Variants in EPHA6 observed in about 807,000 individuals in gnomAD.
The protein encoded by EPHA6 is EPH receptor A6, also known as ephrin type-A receptor 6.
Under a neutral mutation model 112.0 loss-of-function variants are expected in EPHA6, and 50 were observed. That is an observed-to-expected ratio of 0.45 (90% CI 0.36 to 0.56). The LOEUF is 0.56. EPHA6 is among the 20% of genes least tolerant of loss of function. The probability of loss-of-function intolerance (pLI) is 0.00; values close to 1 mark genes in which losing one functional copy is unlikely to be tolerated. For missense variants in EPHA6, 1,280 were observed against 1,417.4 expected (o/e 0.90, Z 1.56); for synonymous variants, 529 against 490.7 (o/e 1.08, Z -1.03).
chr3:97,749,052 T>G lies in EPHA6; in HGVS notation c.*351T>G, dbSNP rs557948435. 8 of 270,494 alleles carry G rather than the reference T, an allele frequency of 3.0e-5. No individual in the cohort carries two copies. The highest frequency in any genetic ancestry group is 1.7e-4 in the African/African-American group (8 of 47,566). The allele number at this position is 270,494 out of a possible 1,614,324, so 16.8% of individuals were successfully genotyped here. A position where few individuals can be genotyped will look rare whatever the true frequency, so the allele number is the denominator to read the frequency against. ...GGTGGGGCTTCCTTAGTGATGTATG[T>G]AGAGTGTGATGGTAGATGAGAAAGA... On this transcript the variant is annotated 3_prime_UTR_variant, in exon 18 of 18. Transcript: ENST00000389672.
intron 3 of EPHA6, among the ~76,000 whole-genome samples, chr3:97,029,907 G>C (rs1360251201): frequency 6.6e-6 from 1 of 152,068 alleles, no homozygotes; most frequent in Non-Finnish European, 1.5e-5. Context: ...GGCAGTATCA[G>C]TTGGTCAGAC....
chr3:97,352,777 C>T (rs1000054659), intron 5 of EPHA6, among the ~76,000 whole-genome samples: 37 of 152,114 alleles, frequency 2.4e-4, no homozygotes, highest in African/African-American at 8.7e-4. Flanking sequence ...AGCCAGTGGA[C>T]TTGGAGTGCA....
At chr3:97,194,847 T>A (rs2077398863) in intron 3 of EPHA6, among the ~76,000 whole-genome samples, 2 of 152,194 alleles carry the variant, frequency 1.3e-5, no homozygotes, top group East Asian at 3.9e-4. Context: ...ATAGCCTTTG[T>A]TTTGAAATCT....
chr3:97,462,627 G>T (rs916055487), intron 7 of EPHA6, among the ~76,000 whole-genome samples: 4 of 152,092 alleles, frequency 2.6e-5, no homozygotes, highest in African/African-American at 9.7e-5. Flanking sequence ...GATATTTTTG[G>T]CTCAGAATAG....
chr3:96,988,813 T>A (rs1392666206), intron 3 of EPHA6, among the ~76,000 whole-genome samples: 1 of 152,144 alleles, frequency 6.6e-6, no homozygotes, highest in Non-Finnish European at 1.5e-5. Context: ...TTTAGAACTA[T>A]ACCTTTCACA....
chr3:97,209,604 A>T (rs1167805925), intron 3 of EPHA6, among the ~76,000 whole-genome samples: 1 of 152,228 alleles, frequency 6.6e-6, no homozygotes, highest in African/African-American at 2.4e-5. Flanking sequence ...ATAAAAATGT[A>T]TGCTTTCCTT....
At chr3:97,176,591 G>T (rs1025327084) in intron 3 of EPHA6, among the ~76,000 whole-genome samples, 1 of 151,628 alleles carries the variant, frequency 6.6e-6, no homozygotes, top group African/African-American at 2.4e-5. Flanking sequence ...GGTTTATTGA[G>T]GTTTTGTATT....
intron 13 of EPHA6, among the ~76,000 whole-genome samples, chr3:97,621,326 A>C (rs1026368391): frequency 2.6e-5 from 4 of 151,928 alleles, no homozygotes; most frequent in African/African-American, 9.7e-5. Flanking sequence ...GCTAGACTTA[A>C]TACCTGAAGG....
At chr3:97,659,374 A>G (rs746611317) in intron 14 of EPHA6, among the ~76,000 whole-genome samples, 6 of 151,994 alleles carry the variant, frequency 3.9e-5, no homozygotes, top group Non-Finnish European at 8.8e-5. Context: ...TTAAATGCCA[A>G]TGCTAAGTTA....
At chr3:97,538,867 A>G (rs1560112654) in intron 11 of EPHA6, among the ~76,000 whole-genome samples, 1 of 152,148 alleles carries the variant, frequency 6.6e-6, no homozygotes, top group Non-Finnish European at 1.5e-5. Flanking sequence ...TAAAATGCAA[A>G]TTAGATTGTG....
chr3:97,667,580 CAATTT>C (rs2107649668), intron 14 of EPHA6, among the ~76,000 whole-genome samples: 1 of 152,266 alleles, frequency 6.6e-6, no homozygotes, highest in East Asian at 1.9e-4. Context: ...TTTCCATTTA[CAATTT>C]AATTTAAACT....
intron 3 of EPHA6, among the ~76,000 whole-genome samples, chr3:97,115,032 A>G (rs2047841898): frequency 6.6e-6 from 1 of 151,978 alleles, no homozygotes; most frequent in African/African-American, 2.4e-5. Context: ...GTACATGAAA[A>G]AGACTTGCAA....
chr3:97,177,412 A>G (rs2076866481), intron 3 of EPHA6, among the ~76,000 whole-genome samples: 1 of 152,068 alleles, frequency 6.6e-6, no homozygotes, highest in South Asian at 2.1e-4. Context: ...AGGGCAGATT[A>G]AGTCTGATGT....
At chr3:97,589,083 G>T (rs1484829100) in intron 11 of EPHA6, among the ~76,000 whole-genome samples, 1 of 151,998 alleles carries the variant, frequency 6.6e-6, no homozygotes, top group East Asian at 1.9e-4. Context: ...GCCCAGGATG[G>T]CTTTGAATGT....
At chr3:97,352,636 G>T (rs2083872151) in intron 5 of EPHA6, among the ~76,000 whole-genome samples, 1 of 152,182 alleles carries the variant, frequency 6.6e-6, no homozygotes. Flanking sequence ...CATCCCAGCA[G>T]TCAGAACCTG....
rs2084458316 is a variant in EPHA6, at chr3:97,362,987, T to A, written c.1607-42163T>A. On this transcript the variant is annotated intron_variant, in intron 5 of 17. Transcript: ENST00000389672. The stretch of plus-strand genomic sequence containing the variant: ...TTATTTATAGAATTTAAGAGTAATT[T>A]ATTATTGTTATACTTTGCAGGTTTT... Among the ~76,000 whole-genome samples, 3 of 150,808 alleles carry A rather than the reference T, an allele frequency of 2.0e-5. No individual in the cohort carries two copies. The South Asian group carries it at 6.3e-4, about 32-fold the overall frequency.
chr3:97,492,050 A>G (rs1228027735), intron 10 of EPHA6, among the ~76,000 whole-genome samples: 1 of 152,118 alleles, frequency 6.6e-6, no homozygotes, highest in Non-Finnish European at 1.5e-5. Context: ...CCATTTTTTT[A>G]CAATCTACCA....
intron 5 of EPHA6, among the ~76,000 whole-genome samples, chr3:97,336,752 A>G (rs556087213): frequency 8.5e-5 from 13 of 152,222 alleles, no homozygotes; most frequent in East Asian, 7.7e-4. Flanking sequence ...AAAGAGCTCA[A>G]TGTCTCAGAG....
intron 3 of EPHA6, among the ~76,000 whole-genome samples, chr3:97,088,562 C>T (rs1278552541): frequency 6.6e-6 from 1 of 152,104 alleles, no homozygotes; most frequent in Non-Finnish European, 1.5e-5. Context: ...TGTTTCTTAC[C>T]TTCCTGCACC....
Sources: gnomAD v4.1 joint callset for allele counts (sites outside exome capture counted in the v4.1 genomes callset) on GRCh38, gnomAD v4.1.1 for gene constraint, MANE v1.5 for transcripts, NCBI Gene and HGNC (gene_info 2026-07-23, HGNC 2026-07-21) for gene names.